The following PTRH1 variants were observed in gnomAD, a reference collection of about 807,000 sequenced individuals.
PTRH1 encodes the protein peptidyl-tRNA hydrolase 1 homolog.
PTRH1 carries 13 observed loss-of-function variants against 15.7 expected under a neutral mutation model. That is an observed-to-expected ratio of 0.83 (90% CI 0.54 to 1.31). PTRH1 has a LOEUF of 1.31. Among genes scored for constraint, PTRH1 ranks in the 40% most tolerant of loss-of-function variants. PTRH1 has a pLI of 0.00. For synonymous variants in PTRH1, 139 were observed against 136.7 expected (o/e 1.02, Z -0.12); for missense variants, 319 against 296.2 (o/e 1.08, Z -0.56).
intron 1 of PTRH1, among the ~76,000 whole-genome samples, chr9:127,708,091 C>G (rs1447685751): frequency 6.6e-6 from 1 of 152,212 alleles, no homozygotes; most frequent in East Asian, 1.9e-4. Context: ...CTCCTGACTC[C>G]CCTATGCAAG....
chr9:127,710,879 A>C, downstream of PTRH1: 1 of 1,077,664 alleles, frequency 9.3e-7, no homozygotes, highest in Admixed American at 2.4e-5. Flanking sequence ...CCGCCCCGAC[A>C]ACCTGCTACT....
chr9:127,707,466 C>T (rs929184040), intron 1 of PTRH1, among the ~76,000 whole-genome samples: 17 of 152,176 alleles, frequency 1.1e-4, no homozygotes, highest in Non-Finnish European at 2.2e-4. Context: ...TCCCCACGTC[C>T]CCCTGCCTCA....
chr9:127,715,103 G>A lies in PTRH1; in HGVS notation c.188C>T (p.Ala63Val), dbSNP rs1188287964. ...LGQLARRLGV[A>V]ESWTRDRHCA... is the part of the protein sequence containing the mutation. ...GTGCCGGTCGCGCGTCCAACTCTCC[G>A]CCACACCCAGCCGCCGCGCCAGCTG... Residue 63 changes from alanine to valine, a missense_variant, in exon 2 of 5, where the codon GCG (alanine) becomes GTG (valine). Physicochemically the swap from Ala to Val is moderately conservative, Grantham distance 64. Transcript: ENST00000543175. The surrounding 1 kb of genome is among the most constrained non-coding windows in gnomAD (Gnocchi z 5.8). The A allele has an allele frequency of 1.3e-6, 2 of 1,533,458 alleles. No individual in the cohort carries two copies. Among genetic ancestry groups the A allele is most frequent in the Admixed American group, 2.0e-5 (1 of 51,140 alleles). The allele number at this position is 1,533,458 out of a possible 1,614,324, so 95.0% of individuals were successfully genotyped here. A position where few individuals can be genotyped will look rare whatever the true frequency, so the allele number is the denominator to read the frequency against.
At chr9:127,714,830 A>T in intron 2 of PTRH1, 128 bp from the exon 3 acceptor site, 1 of 1,049,060 alleles carries the variant, frequency 9.5e-7, no homozygotes, top group Non-Finnish European at 1.4e-6. Context: ...CCCCCGAAGT[A>T]CCCAAAGCCA....
At chr9:127,706,215 C>G (rs1842645848) in intron 1 of PTRH1, among the ~76,000 whole-genome samples, 1 of 152,174 alleles carries the variant, frequency 6.6e-6, no homozygotes, top group Non-Finnish European at 1.5e-5. Flanking sequence ...TTTCTCATCA[C>G]CAACAGTAAA....
At chr9:127,709,209 G>C (rs761494911), downstream of PTRH1, among the ~76,000 whole-genome samples, 3 of 152,260 alleles carry the variant, frequency 2.0e-5, no homozygotes, top group Non-Finnish European at 4.4e-5. This position sits in a 1 kb window ranked among gnomAD's most constrained non-coding sequence, Gnocchi z 4.7. Context: ...ACATTCTAGT[G>C]ATGTAATGAA....
At chr9:127,710,893 T>C, downstream of PTRH1, 1 of 980,994 alleles carries the variant, frequency 1.0e-6, no homozygotes, top group Non-Finnish European at 1.5e-6. Context: ...TGCTACTCCT[T>C]GGAATCCCAG....
intron 1 of PTRH1, among the ~76,000 whole-genome samples, chr9:127,700,145 A>G (rs1725809760): frequency 6.6e-6 from 1 of 152,166 alleles, no homozygotes; most frequent in South Asian, 2.1e-4. Flanking sequence ...CTGATCAAAT[A>G]CTGCACTGCT....
At chr9:127,703,381 G>T (rs560501326) in intron 1 of PTRH1, among the ~76,000 whole-genome samples, 1 of 152,054 alleles carries the variant, frequency 6.6e-6, no homozygotes, top group African/African-American at 2.4e-5. Flanking sequence ...AGGAGGTGGA[G>T]GTTGCAGTGA....
chr9:127,705,161 G>A lies in PTRH1; in HGVS notation c.206-10020C>T, dbSNP rs145538111. 9.9e-5 allele frequency among the ~76,000 whole-genome samples: 15 copies of A among 152,186 alleles called. No homozygotes were observed. Among genetic ancestry groups the A allele is most frequent in the East Asian group, 5.8e-4 (3 of 5,166 alleles). On this transcript the variant is annotated intron_variant, in intron 1 of 2. Transcript: ENST00000335223. The surrounding 1 kb of genome is among the most constrained non-coding windows in gnomAD (Gnocchi z 4.7). ...AGGCCACTGTCCACTGTCCTTGGCC[G>A]GTGCTGCAGTCTGCATGGCTTTGTG... is the stretch of plus-strand genomic sequence containing the variant.
At chr9:127,704,460 G>T in intron 1 of PTRH1, among the ~76,000 whole-genome samples, 1 of 150,084 alleles carries the variant, frequency 6.7e-6, no homozygotes, top group Admixed American at 6.6e-5. Context: ...GAGCCGAGAT[G>T]GTGCCACTGC....
chr9:127,701,429 G>GGAAT (rs34198029), intron 1 of PTRH1, among the ~76,000 whole-genome samples: 5,860 of 152,060 alleles, frequency 0.039, 126 homozygotes, highest in Admixed American at 0.043. Context: ...ATAAAGAAAG[G>GGAAT]GAATGAATGA....
chr9:127,709,211 T>C (rs1842709232), downstream of PTRH1, among the ~76,000 whole-genome samples: 1 of 152,248 alleles, frequency 6.6e-6, no homozygotes, highest in African/African-American at 2.4e-5. The surrounding 1 kb of genome is among the most constrained non-coding windows in gnomAD (Gnocchi z 4.7). Flanking sequence ...ATTCTAGTGA[T>C]GTAATGAAAA....
In PTRH1 at chr9:127,715,207, C is replaced by A. The variant is rs1484938580; in HGVS notation, c.97-13G>T. Reference sequence around the variant, plus strand: ...CCAGGCCAGCCACCTGCGGGCGGCACCAGGGAAACTGAGGCCCAACAACTC... The same window carrying A: ...CCAGGCCAGCCACCTGCGGGCGGCAACAGGGAAACTGAGGCCCAACAACTC... On this transcript the variant is annotated splice_polypyrimidine_tract_variant and intron_variant, in intron 1 of 4. Transcript: ENST00000543175. The surrounding 1 kb of genome is among the most constrained non-coding windows in gnomAD (Gnocchi z 5.8). The A allele has an allele frequency of 2.0e-6, 3 of 1,526,914 alleles. No homozygotes were observed. Among genetic ancestry groups the A allele is most frequent in the Admixed American group, 4.0e-5 (2 of 49,918 alleles). 94.6% of individuals were successfully genotyped at this position (1,526,914 alleles called of 1,614,324 possible).
chr9:127,713,936 G>A lies in PTRH1; in HGVS notation c.*164C>T, dbSNP rs376325151. On this transcript the variant is annotated 3_prime_UTR_variant, in exon 5 of 5. Coordinates refer to ENST00000543175, the MANE Select transcript of PTRH1 (RefSeq NM_001002913.3). ...AGAGAGAAGAACCTACTCCAGAAAT[G>A]GACTGGTCCAGTCACAGTCACCCCC... is the stretch of plus-strand genomic sequence containing the variant. 1.1e-5 allele frequency: 18 copies of A among 1,602,468 alleles called. No individual in the cohort carries two copies. The highest frequency in any genetic ancestry group is 1.5e-5 in the Non-Finnish European group (17 of 1,169,716).
chr9:127,697,251 C>T (rs556323546), intron 1 of PTRH1, among the ~76,000 whole-genome samples: 1 of 152,294 alleles, frequency 6.6e-6, no homozygotes, highest in African/African-American at 2.4e-5. Context: ...TAGAATGAAA[C>T]TGATGAATTC....
At position 127,715,175 on chromosome 9, in the gene PTRH1, G is replaced by A; in HGVS notation, c.116C>T (p.Pro39Leu). 3 of 1,529,242 alleles carry A rather than the reference G, an allele frequency of 2.0e-6. No homozygotes were observed. The highest frequency in any genetic ancestry group is 2.6e-6 in the Non-Finnish European group (3 of 1,142,904). The allele number at this position is 1,529,242 out of a possible 1,614,324, so 94.7% of individuals were successfully genotyped here. ...KRWMVAGLGN[P>L]GLPGTRHSVG... ...GCTGTGTCGCGTGCCGGGCAGTCCG[G>A]GATTCCCCAGGCCAGCCACCTGCGG... The change falls in exon 2 of 5, where the codon CCC becomes CTC. Residue 39 changes from proline to leucine, a missense_variant. Physicochemically the swap from Pro to Leu is moderately conservative, Grantham distance 98 (BLOSUM62 -3). Coordinates refer to ENST00000543175, the MANE Select transcript of PTRH1 (RefSeq NM_001002913.3). The surrounding 1 kb of genome is among the most constrained non-coding windows in gnomAD (Gnocchi z 5.8).
At position 127,714,667 on chromosome 9, in the gene PTRH1, G is replaced by C. The variant is rs762728763; in HGVS notation, c.352C>G (p.Leu118Val). The C allele has an allele frequency of 6.2e-7, 1 of 1,613,812 alleles. No homozygotes were observed. ...GGCTTGTCCAGCTCATCATGCACCA[G>C]GTAGACTTCCTCGGCAGTCAGCCCA... ...LFGLTAEEVY[L>V]VHDELDKPLG... Residue 118 changes from leucine to valine, a missense_variant, in exon 3 of 5, where the codon CTG becomes GTG. Transcript: ENST00000543175.
intron 1 of PTRH1, among the ~76,000 whole-genome samples, chr9:127,708,022 A>G (rs1842685614): frequency 6.6e-6 from 1 of 152,126 alleles, no homozygotes; most frequent in African/African-American, 2.4e-5. Context: ...GGGAAGACTG[A>G]GGCTCAGAGA....
Sources: allele counts gnomAD v4.1 joint callset (sites outside exome capture counted in the v4.1 genomes callset), GRCh38; gene constraint gnomAD v4.1.1; non-coding constraint Gnocchi (gnomAD v3.1); transcripts MANE v1.5; gene names NCBI Gene and HGNC (gene_info 2026-07-23, HGNC 2026-07-21).